The following CIMIP7 variants were observed in gnomAD, a reference collection of about 807,000 sequenced individuals.
The protein encoded by CIMIP7 is uncharacterized protein C3orf84.
the CIMIP7 span, chr3:49,191,714 G>C: frequency 1.9e-6 from 3 of 1,593,972 alleles, no homozygotes; most frequent in Non-Finnish European, 2.6e-6. Context: ...AGAGGGCCAG[G>C]GGCCAGGATT....
chr3:49,188,638 C>T, the CIMIP7 span, among the ~76,000 whole-genome samples: 1 of 152,156 alleles, frequency 6.6e-6, no homozygotes, highest in Non-Finnish European at 1.5e-5. Context: ...CCTTGTCCCC[C>T]TTTGGGCTCA....
chr3:49,179,626 T>C, the CIMIP7 span, among the ~76,000 whole-genome samples: 1 of 152,188 alleles, frequency 6.6e-6, no homozygotes. Context: ...TTTTCCTTCC[T>C]TGAGCACTAG....
chr3:49,191,819 G>A, the CIMIP7 span: 1 of 1,527,658 alleles, frequency 6.5e-7, no homozygotes, highest in Non-Finnish European at 8.8e-7. Context: ...TTGTCTTTTG[G>A]AGGGTATCTT....
the CIMIP7 span, among the ~76,000 whole-genome samples, chr3:49,180,929 C>CAA: frequency 1.2e-3 from 80 of 65,770 alleles, no homozygotes; most frequent in Non-Finnish European, 1.7e-3. Context: ...GACTCCGTCT[C>CAA]AAAAAAAAAA....
chr3:49,187,590 G>T, the CIMIP7 span, among the ~76,000 whole-genome samples: 3 of 151,928 alleles, frequency 2.0e-5, no homozygotes, highest in African/African-American at 7.3e-5. Context: ...GGCAGTTGAC[G>T]GCTGGAAATA....
chr3:49,180,948 A>C, the CIMIP7 span, among the ~76,000 whole-genome samples: 1 of 151,044 alleles, frequency 6.6e-6, no homozygotes, highest in East Asian at 2.0e-4. Flanking sequence ...AAAAAAAAAA[A>C]AAAGAGTTCC....
At chr3:49,181,418 A>C in the CIMIP7 span, among the ~76,000 whole-genome samples, 1 of 151,702 alleles carries the variant, frequency 6.6e-6, no homozygotes, top group Non-Finnish European at 1.5e-5. Flanking sequence ...TGAGAGGCCA[A>C]GGAGGAAAGA....
the CIMIP7 span, among the ~76,000 whole-genome samples, chr3:49,180,237 C>T: frequency 6.6e-6 from 1 of 152,134 alleles, no homozygotes; most frequent in Non-Finnish European, 1.5e-5. Context: ...GATTGAGCCA[C>T]TGCACTCCAG....
chr3:49,191,614 T>A, the CIMIP7 span: 3 of 970,418 alleles, frequency 3.1e-6, no homozygotes, highest in Non-Finnish European at 4.9e-6. Flanking sequence ...GGAGAGGAAG[T>A]GGGCGGCTCA....
chr3:49,181,918 G>A, the CIMIP7 span, among the ~76,000 whole-genome samples: 12 of 152,106 alleles, frequency 7.9e-5, no homozygotes, highest in Admixed American at 1.3e-4. Flanking sequence ...TCTGACGTTC[G>A]GATGTGTTCC....
At chr3:49,188,809 AT>A in the CIMIP7 span, among the ~76,000 whole-genome samples, 9 of 151,620 alleles carry the variant, frequency 5.9e-5, no homozygotes, top group African/African-American at 2.2e-4. Context: ...ATGTTATTTC[AT>A]TTTTTGAGAC....
chr3:49,181,623 G>A, the CIMIP7 span, among the ~76,000 whole-genome samples: 1 of 152,122 alleles, frequency 6.6e-6, no homozygotes, highest in Non-Finnish European at 1.5e-5. Flanking sequence ...GTGCCACTGC[G>A]AACCAAGCTA....
At chr3:49,190,932 G>A in the CIMIP7 span, among the ~76,000 whole-genome samples, 1 of 152,138 alleles carries the variant, frequency 6.6e-6, no homozygotes. Flanking sequence ...CTCCCAAAGT[G>A]CTGGGATTAC....
the CIMIP7 span, among the ~76,000 whole-genome samples, chr3:49,190,731 C>T: frequency 2.9e-5 from 4 of 137,656 alleles, no homozygotes; most frequent in Non-Finnish European, 4.5e-5. Context: ...TGCAGTGGTG[C>T]GATCTTGGTT....
chr3:49,191,588 G>T, the CIMIP7 span: 1 of 795,510 alleles, frequency 1.3e-6, no homozygotes, highest in Non-Finnish European at 2.2e-6. Flanking sequence ...GCCTCCAGGG[G>T]TGACCTCAAG....
At chr3:49,178,531 G>C in the CIMIP7 span, 2 of 1,613,348 alleles carry the variant, frequency 1.2e-6, no homozygotes, top group South Asian at 1.1e-5. Context: ...GTGTCGCTGC[G>C]CCGGCTCCTT....
chr3:49,189,366 C>T, the CIMIP7 span, among the ~76,000 whole-genome samples: 4 of 152,102 alleles, frequency 2.6e-5, no homozygotes, highest in Admixed American at 6.6e-5. Flanking sequence ...CTGCCCTGGC[C>T]TCCCAAAGTG....
chr3:49,180,929 C>CAAAAAA, the CIMIP7 span, among the ~76,000 whole-genome samples: 1 of 65,894 alleles, frequency 1.5e-5, no homozygotes. Context: ...GACTCCGTCT[C>CAAAAAA]AAAAAAAAAA....
At chr3:49,179,195 G>A in the CIMIP7 span, among the ~76,000 whole-genome samples, 1 of 152,038 alleles carries the variant, frequency 6.6e-6, no homozygotes, top group Admixed American at 6.6e-5. Context: ...GAATATGCAA[G>A]TATCCTGTTG....
Sources: allele counts gnomAD v4.1 joint callset (sites outside exome capture counted in the v4.1 genomes callset), GRCh38; gene constraint gnomAD v4.1.1; transcripts MANE v1.5; gene names NCBI Gene and HGNC (gene_info 2026-07-23, HGNC 2026-07-21).